Variants in MAP3K7CL observed in about 807,000 individuals in gnomAD.
MAP3K7CL encodes the protein MAP3K7 C-terminal like.
A neutral mutation model predicts 18.6 loss-of-function variants in MAP3K7CL; 16 were observed. The ratio of observed to expected loss-of-function variants is 0.86; its 90% CI spans 0.58 to 1.31. The LOEUF is 1.31. Ranked by LOEUF, MAP3K7CL falls within the 50% of genes most tolerant of loss-of-function variation. The pLI is 0.00. For synonymous variants in MAP3K7CL, 65 were observed against 66.8 expected, an observed-to-expected ratio of 0.97 and a Z score of 0.13; for missense variants, 163 against 174.4, an observed-to-expected ratio of 0.93 and a Z score of 0.37.
intron 4 of MAP3K7CL, among the ~76,000 whole-genome samples, chr21:29,162,899 G>A (rs1015037607): frequency 1.8e-4 from 28 of 152,116 alleles, no homozygotes; most frequent in Non-Finnish European, 1.0e-4. Context: ...GAGGTCAGGA[G>A]TTTGAGACTA....
intron 4 of MAP3K7CL, among the ~76,000 whole-genome samples, chr21:29,172,196 T>TC (rs67871822): frequency 2.0e-5 from 1 of 49,798 alleles, no homozygotes; most frequent in African/African-American, 1.3e-4. Context: ...TTCAAAACTA[T>TC]TTTTTTTTCA....
At chr21:29,094,732 G>T (rs1198540629) in intron 4 of MAP3K7CL, among the ~76,000 whole-genome samples, 1 of 152,152 alleles carries the variant, frequency 6.6e-6, no homozygotes, top group Non-Finnish European at 1.5e-5. Flanking sequence ...TGCACAGCCA[G>T]TGCCTTACGG....
intron 4 of MAP3K7CL, among the ~76,000 whole-genome samples, chr21:29,105,063 C>T (rs910128233): frequency 3.3e-5 from 5 of 152,196 alleles, no homozygotes; most frequent in African/African-American, 1.2e-4. Flanking sequence ...ATTGGAAGCC[C>T]CCTAACATTC....
chr21:29,132,267 C>T (rs1023889558), intron 1 of MAP3K7CL, among the ~76,000 whole-genome samples: 11 of 149,822 alleles, frequency 7.3e-5, no homozygotes, highest in Non-Finnish European at 1.5e-4. Flanking sequence ...TGTGTTTTTG[C>T]CCATTCCATT....
chr21:29,149,194 A>G lies in MAP3K7CL; in HGVS notation c.76A>G (p.Thr26Ala), dbSNP rs367876875. ...ATTTTATTTCCTTGTTTTAGATGAT[A>G]CACCCCCTGAAGACTCCATTCCTTT... Reference protein sequence around the residue: ...AFSLNDASDDTPPEDSIPLVF... With the variant: ...AFSLNDASDDAPPEDSIPLVF... The change falls in exon 3 of 5, where the codon ACA becomes GCA. Residue 26 changes from threonine to alanine, a missense_variant. Thr to Ala is a moderately conservative substitution (Grantham distance 58). Coordinates refer to ENST00000399928, the MANE Select transcript of MAP3K7CL (RefSeq NM_001286620.2). 3.7e-6 allele frequency: 6 copies of G among 1,613,648 alleles called. No homozygotes were observed. The highest frequency in any genetic ancestry group is 1.3e-5 in the African/African-American group (1 of 74,892).
chr21:29,101,008 G>A (rs1038032827), intron 4 of MAP3K7CL, among the ~76,000 whole-genome samples: 1 of 151,310 alleles, frequency 6.6e-6, no homozygotes, highest in African/African-American at 2.4e-5. Context: ...CACTGCGCCC[G>A]GTCCCTCTTT....
chr21:29,084,746 C>G (rs2085894700), upstream of MAP3K7CL, among the ~76,000 whole-genome samples: 1 of 152,206 alleles, frequency 6.6e-6, no homozygotes, highest in African/African-American at 2.4e-5. Context: ...CATCAGGAAT[C>G]TCAATGAAGA....
chr21:29,147,333 A>G (rs2087152523), intron 2 of MAP3K7CL, among the ~76,000 whole-genome samples: 1 of 151,914 alleles, frequency 6.6e-6, no homozygotes, highest in Non-Finnish European at 1.5e-5. Flanking sequence ...TATGCACTGT[A>G]TATGTATCTG....
chr21:29,169,186 T>G, intron 4 of MAP3K7CL, among the ~76,000 whole-genome samples: 1 of 152,368 alleles, frequency 6.6e-6, no homozygotes, highest in Non-Finnish European at 1.5e-5. Context: ...TGGCCCACAA[T>G]GTCAGTTGTA....
chr21:29,131,448 A>C (rs1008769018), intron 1 of MAP3K7CL: 6 of 152,242 alleles, frequency 3.9e-5, no homozygotes, highest in Non-Finnish European at 7.3e-5. Context: ...GAGACAATCC[A>C]TGCCATTCCC....
chr21:29,119,654 T>TCCTAA (rs1382087625), intron 4 of MAP3K7CL, among the ~76,000 whole-genome samples: 2 of 143,884 alleles, frequency 1.4e-5, no homozygotes, highest in Non-Finnish European at 3.0e-5. Flanking sequence ...AAGACCTTAA[T>TCCTAA]CCTAAAACTT....
intron 4 of MAP3K7CL, among the ~76,000 whole-genome samples, chr21:29,112,818 A>AT (rs911065557): frequency 1.4e-3 from 203 of 146,846 alleles, no homozygotes; most frequent in African/African-American, 3.6e-3. Context: ...ACCTTTGGAA[A>AT]TTTTTTTTTT....
Position 29,109,034 on chromosome 21 carries a change from T to G in MAP3K7CL, c.370+16453T>G, listed in dbSNP as rs1568940396. 3.3e-6 allele frequency: 5 copies of G among 1,528,972 alleles called. No homozygotes were observed. The East Asian group carries it at 1.2e-4, about 37-fold the overall frequency. The allele number at this position is 1,528,972 out of a possible 1,614,324, so 94.7% of individuals were successfully genotyped here. ...TCTAGAATCAGAAAATTCTACTTCC[T>G]ACTAGGTTGACATTCGTAACCTTCC... On this transcript the variant is annotated intron_variant, in intron 4 of 6. Transcript: ENST00000286791.
At chr21:29,079,204 G>C (rs535900164) in intron 1 of MAP3K7CL, among the ~76,000 whole-genome samples, 1 of 152,318 alleles carries the variant, frequency 6.6e-6, no homozygotes, top group African/African-American at 2.4e-5. Flanking sequence ...GGAGGTGAAA[G>C]GAAGATGGCC....
In MAP3K7CL at chr21:29,123,063, T is replaced by C. The variant is rs1406704426; in HGVS notation, c.371-26126T>C. Among the ~76,000 whole-genome samples the C allele has an allele frequency of 1.6e-3, 228 of 144,828 alleles. 1 individual carries two copies. The East Asian group carries it at 0.022, about 14-fold the overall frequency. ...ACTGGAGAAGAAATGATCTTTTTTTTTTTTTTTTTTTTTTTTGAAATGGAG... is the reference window on the plus strand; with the variant it reads ...ACTGGAGAAGAAATGATCTTTTTTTCTTTTTTTTTTTTTTTTGAAATGGAG... On this transcript the variant is annotated intron_variant, in intron 4 of 6. Transcript: ENST00000286791.
At chr21:29,152,030 T>C (rs1199171881) in intron 3 of MAP3K7CL, among the ~76,000 whole-genome samples, 1 of 152,218 alleles carries the variant, frequency 6.6e-6, no homozygotes, top group Non-Finnish European at 1.5e-5. Context: ...TTTATCTCTT[T>C]GTGAATGGAG....
At chr21:29,127,426 T>A (rs1601202153), upstream of MAP3K7CL, among the ~76,000 whole-genome samples, 1 of 152,346 alleles carries the variant, frequency 6.6e-6, no homozygotes, top group South Asian at 2.1e-4. Flanking sequence ...ACCATGTAGT[T>A]ATTTTGGGTT....
chr21:29,131,652 T>C (rs1208221746), intron 1 of MAP3K7CL, among the ~76,000 whole-genome samples: 1 of 152,238 alleles, frequency 6.6e-6, no homozygotes. Context: ...TTTTGGTGCA[T>C]TGCTACTTGT....
intron 4 of MAP3K7CL, among the ~76,000 whole-genome samples, chr21:29,109,998 A>G (rs1041988608): frequency 9.2e-5 from 14 of 152,204 alleles, no homozygotes; most frequent in Non-Finnish European, 1.6e-4. Context: ...TATGAGTACA[A>G]TGCTGTATAA....
Sources: allele counts gnomAD v4.1 joint callset (sites outside exome capture counted in the v4.1 genomes callset), GRCh38; gene constraint gnomAD v4.1.1; transcripts MANE v1.5; gene names NCBI Gene and HGNC (gene_info 2026-07-23, HGNC 2026-07-21).